CDH23: variants seen among roughly 807,000 people sequenced by gnomAD.
CDH23 encodes cadherin-23.
A neutral mutation model predicts 317.1 loss-of-function variants in CDH23; 189 were observed. The ratio of observed to expected loss-of-function variants is 0.60; its 90% CI spans 0.53 to 0.67. CDH23 has a LOEUF of 0.67. Ranked by LOEUF, CDH23 falls within the 30% of genes least tolerant of loss-of-function variation. The pLI is 0.00. For synonymous variants in CDH23, 1,839 were observed against 1,876.8 expected, an observed-to-expected ratio of 0.98 and a Z score of 0.52; for missense variants, 4,401 against 4,592.4, an observed-to-expected ratio of 0.96 and a Z score of 1.20.
chr10:71,470,562 C>T (rs1359750585), intron 3 of CDH23, among the ~76,000 whole-genome samples: 1 of 152,032 alleles, frequency 6.6e-6, no homozygotes, highest in Non-Finnish European at 1.5e-5. Flanking sequence ...CCATCACGGC[C>T]CACTTCAGCC....
chr10:71,706,821 C>A, intron 25 of CDH23, 76 bp from the exon 26 acceptor site: 1 of 1,515,504 alleles, frequency 6.6e-7, no homozygotes, highest in South Asian at 1.3e-5. Context: ...TGGTCTGGTG[C>A]TGGAGACGCT....
At chr10:71,643,331 C>T (rs1265190022) in intron 11 of CDH23, among the ~76,000 whole-genome samples, 1 of 152,090 alleles carries the variant, frequency 6.6e-6, no homozygotes, top group Non-Finnish European at 1.5e-5. Context: ...GGCGTGTGTT[C>T]CCCTTACACT....
rs908530071 is a variant in CDH23 at position 71,813,229 on chromosome 10, C to A, written c.9634-15C>A. On this transcript the variant is annotated splice_polypyrimidine_tract_variant and intron_variant, in intron 68 of 69. Transcript: ENST00000224721. ...GGGAGGGCCTTGGTGGGGGTTAACC[C>A]TTTCCCTCCCCCAGGGCTCGCTGCT... 1 of 1,550,524 alleles carries A rather than the reference C, an allele frequency of 6.4e-7. No individual in the cohort carries two copies. The highest frequency in any genetic ancestry group is 8.7e-7 in the Non-Finnish European group (1 of 1,146,156).
At chr10:71,587,944 T>C (rs1859194368) in intron 9 of CDH23, among the ~76,000 whole-genome samples, 1 of 152,244 alleles carries the variant, frequency 6.6e-6, no homozygotes, top group Non-Finnish European at 1.5e-5. Context: ...GCATGCCCTT[T>C]TGCAATATGG....
In CDH23 at chr10:71,815,803, A is replaced by G. The variant is rs529471792; in HGVS notation, c.*525A>G. The G allele has an allele frequency of 1.3e-5, 2 of 156,670 alleles. No homozygotes were observed. The highest frequency in any genetic ancestry group is 2.8e-5 in the Non-Finnish European group (2 of 70,598). The allele number at this position is 156,670 out of a possible 1,614,324, so 9.7% of individuals were successfully genotyped here. On this transcript the variant is annotated 3_prime_UTR_variant, in exon 70 of 70. Transcript: ENST00000224721. ...GCATCCCCACGTGGACAAGAAAGTC[A>G]ATGTCAATGAACAAGCATTCTCTCC...
At chr10:71,737,589 C>T (rs1415516617) in intron 34 of CDH23, 2 of 433,140 alleles carry the variant, frequency 4.6e-6, no homozygotes, top group African/African-American at 2.0e-5. Flanking sequence ...GACCTGGGAG[C>T]CCCTGAACCC....
At chr10:71,698,482 A>G (rs1865471261) in intron 22 of CDH23, among the ~76,000 whole-genome samples, 1 of 152,092 alleles carries the variant, frequency 6.6e-6, no homozygotes, top group Admixed American at 6.5e-5. Flanking sequence ...GGGCTGGCCC[A>G]CCACCTGACT....
intron 26 of CDH23, chr10:71,707,579 A>T: frequency 1.0e-6 from 1 of 970,276 alleles, no homozygotes; most frequent in Middle Eastern, 5.2e-4. Context: ...TCACAGGGGA[A>T]AGTGAGCTGC....
Position 71,811,369 on chromosome 10 carries a change from C to G in CDH23, c.9132C>G (p.Asn3044Lys), listed in dbSNP as rs539455904. Reference sequence around the variant, plus strand: ...AGCAGCTACGGAATCTTTTCCGGAACTACAACGTCCTGGACGTGCAGCCTG... The same window carrying G: ...AGCAGCTACGGAATCTTTTCCGGAAGTACAACGTCCTGGACGTGCAGCCTG... ...NKEQLRNLFR[N>K]YNVLDVQPAI... is the part of the protein sequence containing the mutation. Residue 3044 changes from asparagine (N) to lysine (K), a missense_variant, in exon 63 of 70, where the codon AAC becomes AAG. Transcript: ENST00000224721. 2 of 1,613,958 alleles carry G rather than the reference C, an allele frequency of 1.2e-6. No homozygotes were observed. The highest frequency in any genetic ancestry group is 1.1e-5 in the South Asian group (1 of 91,078).
chr10:71,580,825 G>A (rs887977526), intron 9 of CDH23, among the ~76,000 whole-genome samples: 2 of 152,046 alleles, frequency 1.3e-5, no homozygotes, highest in Non-Finnish European at 2.9e-5. Context: ...GGTAGGTAAG[G>A]GTGGCTCAAC....
chr10:71,654,986 TAC>T (rs1473241278), intron 14 of CDH23, among the ~76,000 whole-genome samples: 4 of 152,164 alleles, frequency 2.6e-5, no homozygotes, highest in South Asian at 4.1e-4. Context: ...TCCAAGAATT[TAC>T]ACACACGTAA....
intron 3 of CDH23, among the ~76,000 whole-genome samples, chr10:71,466,214 C>G (rs77408626): frequency 6.6e-6 from 1 of 152,122 alleles, no homozygotes; most frequent in African/African-American, 2.4e-5. Context: ...TGTGTATGAG[C>G]ATGTGAAGTG....
intron 11 of CDH23, among the ~76,000 whole-genome samples, chr10:71,621,766 A>G (rs928342333): frequency 2.0e-5 from 3 of 152,224 alleles, no homozygotes; most frequent in Admixed American, 2.0e-4. Context: ...GATTCTGCTC[A>G]GTCTCTCACT....
intron 6 of CDH23, among the ~76,000 whole-genome samples, chr10:71,515,277 G>T (rs1001643732): frequency 6.6e-6 from 1 of 151,476 alleles, no homozygotes; most frequent in Non-Finnish European, 1.5e-5. Flanking sequence ...TTATTTTTCG[G>T]TATTCTCTTC....
At chr10:71,589,143 A>T (rs1405370174) in intron 9 of CDH23, among the ~76,000 whole-genome samples, 2 of 151,238 alleles carry the variant, frequency 1.3e-5, no homozygotes, top group African/African-American at 4.9e-5. Context: ...TTTTTTTGAG[A>T]CAGTCTCACT....
rs1367864453 is a variant in CDH23, at chr10:71,576,810, C to G, written c.754-1104C>G. 2.6e-5 allele frequency among the ~76,000 whole-genome samples: 4 copies of G among 152,290 alleles called. No homozygotes were observed. In the South Asian group the frequency reaches 8.3e-4, roughly 32 times the overall value. On this transcript the variant is annotated intron_variant, in intron 8 of 69. Transcript: ENST00000224721. ...CGAGTGGTGGCGGTGACCTTCCACC[C>G]TAAGGTTTAAGGGCTCTGTGAAGGT...
intron 32 of CDH23, 64 bp downstream of exon 32, chr10:71,732,439 C>T: frequency 6.5e-7 from 1 of 1,543,572 alleles, no homozygotes; most frequent in Non-Finnish European, 8.7e-7. Context: ...TGAGCTCCTT[C>T]TGTGTGCACA....
intron 41 of CDH23, among the ~76,000 whole-genome samples, chr10:71,779,986 G>C (rs909457979): frequency 2.0e-5 from 3 of 152,212 alleles, no homozygotes; most frequent in Non-Finnish European, 4.4e-5. Flanking sequence ...CGCCAGCTAG[G>C]GTCAGGCAAG....
At chr10:71,668,563 C>T (rs1017830108) in intron 14 of CDH23, among the ~76,000 whole-genome samples, 1 of 152,232 alleles carries the variant, frequency 6.6e-6, no homozygotes, top group Non-Finnish European at 1.5e-5. Context: ...TCTCTGTCCC[C>T]TCCTTCATCT....
Sources: gnomAD v4.1 joint callset for allele counts (sites outside exome capture counted in the v4.1 genomes callset) on GRCh38, gnomAD v4.1.1 for gene constraint, MANE v1.5 for transcripts, NCBI Gene and HGNC (gene_info 2026-07-23, HGNC 2026-07-21) for gene names.